Variants in SP9 observed in about 807,000 individuals in gnomAD.
SP9 encodes the protein Sp9 transcription factor.
A neutral mutation model predicts 23.0 loss-of-function variants in SP9; 5 were observed. That is an observed-to-expected ratio of 0.22 (90% CI 0.11 to 0.46). The LOEUF (loss-of-function observed/expected upper bound fraction) is 0.46. Ranked by LOEUF, SP9 falls within the 20% of genes least tolerant of loss-of-function variation. The pLI, the probability that SP9 is intolerant of heterozygous loss-of-function variation, is 0.99. For synonymous variants in SP9, 360 were observed against 356.5 expected (o/e 1.01, Z -0.11); for missense variants, 542 against 724.0 (o/e 0.75, Z 2.88).
At position 174,336,372 on chromosome 2, in the gene SP9, C is replaced by T. The variant is rs1284035923; in HGVS notation, c.287C>T (p.Pro96Leu). ...GCCTTCTGCCTGGCCTCCACGTCGC[C>T]CACGTCGTCCGCCTTCAGCAGCGAC... ...NSAFCLASTSPTSSAFSSDYG... is the reference protein window; with the variant it reads ...NSAFCLASTSLTSSAFSSDYG... The change falls in exon 2 of 2, where the codon CCC (proline) becomes CTC (leucine). Residue 96 changes from proline (P) to leucine (L), a missense_variant. Coordinates refer to ENST00000394967, the MANE Select transcript of SP9 (RefSeq NM_001145250.2). 2 of 1,494,964 alleles carry T rather than the reference C, an allele frequency of 1.3e-6. No individual in the cohort carries two copies. The highest frequency in any genetic ancestry group is 1.8e-6 in the Non-Finnish European group (2 of 1,130,460). 92.6% of individuals were successfully genotyped at this position (1,494,964 alleles called of 1,614,324 possible).
intron 1 of SP9, 146 bp from the exon 2 acceptor site, chr2:174,335,961 C>G: frequency 1.4e-6 from 1 of 728,370 alleles, no homozygotes; most frequent in South Asian, 1.9e-5. Flanking sequence ...TCCGCGGGCG[C>G]GTGGGGAGGA....
rs1463664650 is a variant in SP9, at chr2:174,337,450, GGCGGCAGCGGCGGCGGCGGCA to G, written c.1371_1391del (p.Ala464_Ala470del). 14 of 1,248,102 alleles carry G rather than the reference GGCGGCAGCGGCGGCGGCGGCA, an allele frequency of 1.1e-5. 1 individual carries two copies. In the Admixed American group the frequency reaches 2.9e-4, roughly 26 times the overall value. 77.3% of individuals were successfully genotyped at this position (1,248,102 alleles called of 1,614,324 possible). A position where few individuals can be genotyped will look rare whatever the true frequency, so the allele number is the denominator to read the frequency against. On this transcript the variant is annotated inframe_deletion, in exon 2 of 2. Transcript: ENST00000394967. ...ACTCCGGCGTCAGTGCCGCCCGGGC[GGCGGCAGCGGCGGCGGCGGCA>G]GCGGCGGCGGCGGCGGCGGCGGCCT... is the stretch of plus-strand genomic sequence containing the variant.
At position 174,336,102 on chromosome 2, in the gene SP9, T is replaced by C. The variant is rs1483248070; in HGVS notation, c.22-5T>C. The C allele has an allele frequency of 3.0e-6, 4 of 1,323,454 alleles. No homozygotes were observed. The South Asian group carries it at 5.0e-5, about 16-fold the overall frequency. 82.0% of individuals were successfully genotyped at this position (1,323,454 alleles called of 1,614,324 possible). ...TTGCTCCCTCCCCCATCCCACCCACTCTAGGAAGAGCCGCGCTTCGGAACG... is the reference window on the plus strand; with the variant it reads ...TTGCTCCCTCCCCCATCCCACCCACCCTAGGAAGAGCCGCGCTTCGGAACG... On this transcript the variant is annotated splice_region_variant and splice_polypyrimidine_tract_variant and intron_variant, in intron 1 of 1. Transcript: ENST00000394967.
At chr2:174,335,337 G>A in intron 1 of SP9, 2 of 533,166 alleles carry the variant, frequency 3.8e-6, no homozygotes, top group South Asian at 2.9e-5. Context: ...TTTTTCATTT[G>A]GTTTCAAAAA....
At chr2:174,335,923 C>T (rs1267043547) in intron 1 of SP9, 184 bp from the exon 2 acceptor site, 6 of 599,866 alleles carry the variant, frequency 1.0e-5, no homozygotes, top group Non-Finnish European at 1.8e-5. Context: ...GGTGATCGCC[C>T]CTGCTCCGCG....
intron 1 of SP9, chr2:174,335,816 G>A: frequency 2.4e-6 from 1 of 417,038 alleles, no homozygotes; most frequent in South Asian, 3.5e-5. Context: ...GACAACCCAA[G>A]TCCGGTTGTA....
Position 174,337,224 on chromosome 2 carries a change from A to T in SP9, c.1139A>T (p.Gln380Leu). 1 of 1,593,226 alleles carries T rather than the reference A, an allele frequency of 6.3e-7. No homozygotes were observed. Among genetic ancestry groups the T allele is most frequent in the Non-Finnish European group, 8.5e-7 (1 of 1,170,450 alleles). Reference sequence around the variant, plus strand: ...CGCTTCACGCGCTCGGACGAGCTGCAGCGGCATCTGCGGACTCACACGGGC... The same window carrying T: ...CGCTTCACGCGCTCGGACGAGCTGCTGCGGCATCTGCGGACTCACACGGGC... The part of the protein sequence containing the change: ...GKRFTRSDEL[Q>L]RHLRTHTGEK... Residue 380 changes from glutamine to leucine, a missense_variant, in exon 2 of 2, where the codon CAG becomes CTG. Gln to Leu is a moderately radical substitution (Grantham distance 113). Transcript: ENST00000394967.
In SP9 at chr2:174,336,782, A is replaced by G; in HGVS notation, c.697A>G (p.Ser233Gly). The G allele has an allele frequency of 6.5e-7, 1 of 1,531,804 alleles. No homozygotes were observed. The highest frequency in any genetic ancestry group is 8.7e-7 in the Non-Finnish European group (1 of 1,144,952). The allele number at this position is 1,531,804 out of a possible 1,614,324, so 94.9% of individuals were successfully genotyped here. Reference protein sequence around the residue: ...DFSSLTHSAFSSTGLGSSAAA... With the variant: ...DFSSLTHSAFGSTGLGSSAAA... Reference sequence around the variant, plus strand: ...CAGCTCGCTCACGCACTCCGCCTTCAGCTCCACGGGCCTCGGCTCCTCCGC... The same window carrying G: ...CAGCTCGCTCACGCACTCCGCCTTCGGCTCCACGGGCCTCGGCTCCTCCGC... Residue 233 changes from serine to glycine, a missense_variant, in exon 2 of 2, where the codon AGC becomes GGC. By Grantham distance (56) the Ser-to-Gly change is moderately conservative. Transcript: ENST00000394967.
intron 1 of SP9, 167 bp downstream of exon 1, chr2:174,335,280 A>G (rs751346959): frequency 5.8e-6 from 4 of 693,414 alleles, no homozygotes; most frequent in Non-Finnish European, 9.5e-6. Context: ...AAGTTTTTGG[A>G]ACCCAGAAAG....
Position 174,338,237 on chromosome 2 carries a change from G to C in SP9, c.*697G>C, listed in dbSNP as rs907298978. ...GTATAAATAGGGTTCAAAAGATTGTGTTCTCTTTTATTTTCTTGTAAATGT... is the reference window on the plus strand; with the variant it reads ...GTATAAATAGGGTTCAAAAGATTGTCTTCTCTTTTATTTTCTTGTAAATGT... On this transcript the variant is annotated 3_prime_UTR_variant, in exon 2 of 2. Transcript: ENST00000394967. The C allele has an allele frequency of 2.6e-5, 4 of 152,070 alleles. No homozygotes were observed. Among genetic ancestry groups the C allele is most frequent in the African/African-American group, 9.7e-5 (4 of 41,406 alleles). 9.4% of individuals were successfully genotyped at this position (152,070 alleles called of 1,614,324 possible).
intron 1 of SP9, chr2:174,335,507 G>C (rs1245651199): frequency 1.4e-5 from 3 of 211,196 alleles, no homozygotes; most frequent in Non-Finnish European, 2.8e-5. Context: ...ACATTTCCGC[G>C]GCTCCCCAAT....
chr2:174,335,945 G>C (rs572257583), intron 1 of SP9, 162 bp from the exon 2 acceptor site: 2 of 651,258 alleles, frequency 3.1e-6, no homozygotes, highest in African/African-American at 3.9e-5. Context: ...CCGGTGCGGC[G>C]ACTCCTCCGC....
chr2:174,335,469 G>C (rs1298250917), intron 1 of SP9: 1 of 297,450 alleles, frequency 3.4e-6, no homozygotes, highest in Non-Finnish European at 6.4e-6. Flanking sequence ...TCGTTTTGCA[G>C]TCCATCTAGT....
In SP9 at chr2:174,337,486, G is replaced by C; in HGVS notation, c.1401G>C (p.Ala467=). ...CGGCGGCGGCAGCGGCGGCGGCGGC[G>C]GCGGCGGCCTCCGCGGGAGGCAAGG... ...AAAAAAAAAA[A]AAASAGGKEA... is the part of the protein sequence containing the mutation. Residue 467 remains alanine, a synonymous_variant, in exon 2 of 2, where the codon GCG becomes GCC. Coordinates refer to ENST00000394967, the MANE Select transcript of SP9 (RefSeq NM_001145250.2). 1 of 1,212,014 alleles carries C rather than the reference G, an allele frequency of 8.3e-7. No individual in the cohort carries two copies. The allele number at this position is 1,212,014 out of a possible 1,614,324, so 75.1% of individuals were successfully genotyped here.
rs903082525 is a variant in SP9 at position 174,337,578 on chromosome 2, G to A, written c.*38G>A. 92 of 1,140,144 alleles carry A rather than the reference G, an allele frequency of 8.1e-5. No homozygotes were observed. The highest frequency in any genetic ancestry group is 9.9e-5 in the Non-Finnish European group (92 of 929,644). The allele number at this position is 1,140,144 out of a possible 1,614,324, so 70.6% of individuals were successfully genotyped here. ...AGGCGCGAGCACACAAGCGAGTAGA[G>A]ACACCGAGAACGAACGAGAGGTTCG... is the stretch of plus-strand genomic sequence containing the variant. On this transcript the variant is annotated 3_prime_UTR_variant, in exon 2 of 2. Coordinates refer to ENST00000394967, the MANE Select transcript of SP9 (RefSeq NM_001145250.2).
At position 174,336,167 on chromosome 2, in the gene SP9, G is replaced by C; in HGVS notation, c.82G>C (p.Gly28Arg). 3 of 1,550,960 alleles carry C rather than the reference G, an allele frequency of 1.9e-6. No individual in the cohort carries two copies. The highest frequency in any genetic ancestry group is 2.6e-6 in the Non-Finnish European group (3 of 1,146,646). The change falls in exon 2 of 2, where the codon GGC becomes CGC. Residue 28 changes from glycine (G) to arginine (R), a missense_variant. By Grantham distance (125) the Gly-to-Arg change is moderately radical (BLOSUM62 -2). This residue lies in a region of SP9 where 201 missense variants were observed against 226.3 expected (regional missense o/e 0.89). Coordinates refer to ENST00000394967, the MANE Select transcript of SP9 (RefSeq NM_001145250.2). ...GCTGGCGGCGACCTGCAACAAGATC[G>C]GCAACACGAGCCCGCTGACGACGCT... ...AMLAATCNKI[G>R]NTSPLTTLPE...
chr2:174,337,329 A>G lies in SP9; in HGVS notation c.1244A>G (p.Asn415Ser). 1 of 1,551,086 alleles carries G rather than the reference A, an allele frequency of 6.4e-7. No individual in the cohort carries two copies. ...CTGAGCAAACACATTAAGACGCACA[A>G]CGGGGGCGGCGGGGGCAAAAAGGGC... ...DHLSKHIKTH[N>S]GGGGGKKGSD... Residue 415 changes from asparagine to serine, a missense_variant, in exon 2 of 2, where the codon AAC becomes AGC. By Grantham distance (46) the Asn-to-Ser change is conservative (BLOSUM62 1). This residue lies in a region of SP9 where 35 missense variants were observed against 67.2 expected (regional missense o/e 0.52). Transcript: ENST00000394967.
Position 174,338,496 on chromosome 2 carries a change from C to T in SP9, c.*956C>T, listed in dbSNP as rs909495270. The T allele has an allele frequency of 1.3e-5, 2 of 152,116 alleles. No homozygotes were observed. The highest frequency in any genetic ancestry group is 2.4e-5 in the African/African-American group (1 of 41,426). 9.4% of individuals were successfully genotyped at this position (152,116 alleles called of 1,614,324 possible). On this transcript the variant is annotated 3_prime_UTR_variant, in exon 2 of 2. Transcript: ENST00000394967. ...TTTGGTATTATTAAAGGACTCTGAACAATACATTTCCTTTTTTAAAAATCC... is the reference window on the plus strand; with the variant it reads ...TTTGGTATTATTAAAGGACTCTGAATAATACATTTCCTTTTTTAAAAATCC...
Position 174,337,615 on chromosome 2 carries a change from A to T in SP9, c.*75A>T. Reference sequence around the variant, plus strand: ...GAACGAGAGGTTCGGAGGGCGAGCGAGCGGGAGGCGGGAGGGCAGGGGCTT... The same window carrying T: ...GAACGAGAGGTTCGGAGGGCGAGCGTGCGGGAGGCGGGAGGGCAGGGGCTT... On this transcript the variant is annotated 3_prime_UTR_variant, in exon 2 of 2. Coordinates refer to ENST00000394967, the MANE Select transcript of SP9 (RefSeq NM_001145250.2). 1.9e-6 allele frequency: 2 copies of T among 1,069,598 alleles called. No individual in the cohort carries two copies. Among genetic ancestry groups the T allele is most frequent in the Non-Finnish European group, 1.1e-6 (1 of 884,218 alleles). The allele number at this position is 1,069,598 out of a possible 1,614,324, so 66.3% of individuals were successfully genotyped here. A position where few individuals can be genotyped will look rare whatever the true frequency, so the allele number is the denominator to read the frequency against.
Sources: gnomAD v4.1 joint callset for allele counts on GRCh38, gnomAD v4.1.1 for gene constraint, gnomAD v4.1.1 regional missense constraint, MANE v1.5 for transcripts, NCBI Gene and HGNC (gene_info 2026-07-23, HGNC 2026-07-21) for gene names.